CRAMP1: variants seen among roughly 807,000 people sequenced by gnomAD.
CRAMP1 encodes the protein protein cramped-like.
Under a neutral mutation model 115.4 loss-of-function variants are expected in CRAMP1, and 50 were observed. That is an observed-to-expected ratio of 0.43 (90% confidence interval 0.35 to 0.55). The LOEUF (loss-of-function observed/expected upper bound fraction) is 0.55. Ranked by LOEUF, CRAMP1 falls within the 20% of genes least tolerant of loss-of-function variation. The probability of loss-of-function intolerance (pLI) is 0.01; values close to 1 mark genes in which losing one functional copy is unlikely to be tolerated. For synonymous variants in CRAMP1, 866 were observed against 745.4 expected, an observed-to-expected ratio of 1.16 and a Z score of -2.64; for missense variants, 1,679 against 1,721.7, an observed-to-expected ratio of 0.98 and a Z score of 0.44.
At chr16:1,630,947 GC>G (rs908754833) in intron 3 of CRAMP1, among the ~76,000 whole-genome samples, 51 of 152,348 alleles carry the variant, frequency 3.3e-4, no homozygotes, top group African/African-American at 1.2e-3. Flanking sequence ...GGTGGTGTTT[GC>G]CTTGGTCGCT....
At chr16:1,650,594 C>G (rs1206814370) in intron 6 of CRAMP1, among the ~76,000 whole-genome samples, 1 of 152,144 alleles carries the variant, frequency 6.6e-6, no homozygotes, top group African/African-American at 2.4e-5. Context: ...GAATTTTTTT[C>G]TTAGTGAATT....
intron 8 of CRAMP1, 75 bp from the exon 9 acceptor site, chr16:1,655,144 G>C (rs1310436994): frequency 7.6e-7 from 1 of 1,314,358 alleles, no homozygotes; most frequent in African/African-American, 1.4e-5. Flanking sequence ...CCTGCTGTAA[G>C]CAGCCTCGGG....
At chr16:1,668,297 C>T (rs1385594599) in intron 18 of CRAMP1, 104 bp downstream of exon 18, 39 of 923,884 alleles carry the variant, frequency 4.2e-5, no homozygotes, top group Non-Finnish European at 5.6e-5. Flanking sequence ...GTGATTTTTA[C>T]GAATTGAAAA....
At chr16:1,612,686 A>G (rs1460015359) in intron 1 of CRAMP1, among the ~76,000 whole-genome samples, 29 bp downstream of exon 1, 3 of 152,026 alleles carry the variant, frequency 2.0e-5, no homozygotes, top group African/African-American at 4.8e-5. Context: ...CGGGGCTGTC[A>G]TGGCGAGGCC....
At chr16:1,637,223 G>A (rs2036596124) in intron 4 of CRAMP1, among the ~76,000 whole-genome samples, 1 of 152,106 alleles carries the variant, frequency 6.6e-6, no homozygotes, top group Admixed American at 6.5e-5. Flanking sequence ...GAGCCTGGGA[G>A]GCAGAGGTTG....
chr16:1,658,933 C>G (rs2036799756), intron 10 of CRAMP1, among the ~76,000 whole-genome samples: 1 of 152,122 alleles, frequency 6.6e-6, no homozygotes, highest in Non-Finnish European at 1.5e-5. Flanking sequence ...GGCTGGGGTG[C>G]TGGCCGAGTC....
rs139996796 is a variant in CRAMP1 at position 1,669,652 on chromosome 16, C to T, written c.3499+487C>T. Among the ~76,000 whole-genome samples the T allele has an allele frequency of 2.8e-3, 424 of 152,310 alleles. No homozygotes were observed. The highest frequency in any genetic ancestry group is 9.8e-3 in the African/African-American group (406 of 41,564). On this transcript the variant is annotated intron_variant, in intron 19 of 20. Transcript: ENST00000397412. The surrounding 1 kb of genome is among the most constrained non-coding windows in gnomAD (Gnocchi z 4.6). ...GGAGAGTTCAGAGGACGTGTCCATC[C>T]TCCTCCCCCACTGCCCGTTTGCCCA...
Position 1,666,728 on chromosome 16 carries a change from C to A in CRAMP1, c.3036+128C>A. ...AGGAGAGTCTCTGGACCAGGGGTGC[C>A]ATGGCATAAGCAAACTCTGTGTAGT... On this transcript the variant is annotated intron_variant, in intron 16 of 20. Transcript: ENST00000397412. The surrounding 1 kb of genome is among the most constrained non-coding windows in gnomAD (Gnocchi z 5.0). The A allele has an allele frequency of 1.2e-6, 1 of 861,426 alleles. No individual in the cohort carries two copies. Among genetic ancestry groups the A allele is most frequent in the Non-Finnish European group, 1.8e-6 (1 of 552,488 alleles). 53.4% of individuals were successfully genotyped at this position (861,426 alleles called of 1,614,324 possible). A position where few individuals can be genotyped will look rare whatever the true frequency, so the allele number is the denominator to read the frequency against.
At chr16:1,638,491 C>A (rs565679827) in intron 5 of CRAMP1, among the ~76,000 whole-genome samples, 2 of 152,310 alleles carry the variant, frequency 1.3e-5, no homozygotes, top group Admixed American at 6.5e-5. Context: ...CAGGCCCTTG[C>A]TTGGATTTGT....
chr16:1,626,551 G>T (rs547276661), intron 3 of CRAMP1, among the ~76,000 whole-genome samples: 43 of 152,166 alleles, frequency 2.8e-4, no homozygotes, highest in African/African-American at 1.0e-3. Context: ...GCACAAGGCG[G>T]TGCTTGTCTC....
At position 1,666,641 on chromosome 16, in the gene CRAMP1, T is replaced by C. The variant is rs1386738709; in HGVS notation, c.3036+41T>C. 16 of 1,575,280 alleles carry C rather than the reference T, an allele frequency of 1.0e-5. No individual in the cohort carries two copies. Among genetic ancestry groups the C allele is most frequent in the Admixed American group, 1.7e-5 (1 of 59,638 alleles). ...AGGGCTTTTCAGCATTACCACCAACTTCTGGTGTGGACGCCAAAGCCATGG... is the reference window on the plus strand; with the variant it reads ...AGGGCTTTTCAGCATTACCACCAACCTCTGGTGTGGACGCCAAAGCCATGG... On this transcript the variant is annotated intron_variant, in intron 16 of 20. Coordinates refer to ENST00000397412, the MANE Select transcript of CRAMP1 (RefSeq NM_020825.4). This position sits in a 1 kb window ranked among gnomAD's most constrained non-coding sequence, Gnocchi z 5.0.
At chr16:1,668,779 C>T (rs1202725146) in intron 18 of CRAMP1, among the ~76,000 whole-genome samples, 1 of 152,172 alleles carries the variant, frequency 6.6e-6, no homozygotes, top group Non-Finnish European at 1.5e-5. Flanking sequence ...TCATGTGCAA[C>T]CCGTGGTGGC....
In CRAMP1 at chr16:1,659,529, G is replaced by A. The variant is rs527252461; in HGVS notation, c.2236-357G>A. ...CAGCCTCCAGAGTAGCTGAGACTAC[G>A]GGCGCCCACCACCACACCCGGCTAA... On this transcript the variant is annotated intron_variant, in intron 10 of 20. Coordinates refer to ENST00000397412, the MANE Select transcript of CRAMP1 (RefSeq NM_020825.4). Among the ~76,000 whole-genome samples the A allele has an allele frequency of 5.9e-5, 9 of 151,878 alleles. No homozygotes were observed. The South Asian group carries it at 1.5e-3, about 25-fold the overall frequency.
In CRAMP1 at chr16:1,656,184, C is replaced by T. The variant is rs368960482; in HGVS notation, c.1427C>T (p.Pro476Leu). 2 of 1,602,330 alleles carry T rather than the reference C, an allele frequency of 1.2e-6. No individual in the cohort carries two copies. The highest frequency in any genetic ancestry group is 1.7e-6 in the Non-Finnish European group (2 of 1,174,986). Residue 476 changes from proline (P) to leucine (L), a missense_variant, in exon 10 of 21, where the codon CCC (proline) becomes CTC (leucine). Coordinates refer to ENST00000397412, the MANE Select transcript of CRAMP1 (RefSeq NM_020825.4). The surrounding 1 kb of genome is among the most constrained non-coding windows in gnomAD (Gnocchi z 5.6). Reference protein sequence around the residue: ...SGAEGKGVGRPPPAADALQSS... With the variant: ...SGAEGKGVGRLPPAADALQSS... ...GCTGAGGGCAAGGGTGTGGGGCGGC[C>T]CCCTCCTGCGGCTGACGCCTTGCAG...
chr16:1,641,183 G>T lies in CRAMP1; in HGVS notation c.823G>T (p.Val275Phe), dbSNP rs765411405. 6.2e-7 allele frequency: 1 copy of T among 1,608,066 alleles called. No homozygotes were observed. Among genetic ancestry groups the T allele is most frequent in the African/African-American group, 1.3e-5 (1 of 74,916 alleles). ...NATKLNELIQVGATTVRYKGR... is the reference protein window; with the variant it reads ...NATKLNELIQFGATTVRYKGR... ...AACAAAGCTGAATGAACTCATTCAG[G>T]TTGGGTAAGTCCCAGTTTCCATGTG... Residue 275 changes from valine (V) to phenylalanine (F), a missense_variant, in exon 6 of 21, where the codon GTT becomes TTT. Transcript: ENST00000397412.
chr16:1,614,978 C>A lies in CRAMP1; in HGVS notation c.339C>A (p.Arg113=). The change falls in exon 2 of 21, where the codon CGC becomes CGA. Residue 113 remains arginine (R), a synonymous_variant. Coordinates refer to ENST00000397412, the MANE Select transcript of CRAMP1 (RefSeq NM_020825.4). The surrounding 1 kb of genome is among the most constrained non-coding windows in gnomAD (Gnocchi z 4.4). ...GCAACGCCGGTGGCTCGGGGCCCCGCGGAAAAGGTAGGGCGGCCCGTCCCC... is the reference window on the plus strand; with the variant it reads ...GCAACGCCGGTGGCTCGGGGCCCCGAGGAAAAGGTAGGGCGGCCCGTCCCC... ...GSGNAGGSGP[R]GKGAEGGGSS... 8.0e-7 allele frequency: 1 copy of A among 1,253,060 alleles called. No individual in the cohort carries two copies. 77.6% of individuals were successfully genotyped at this position (1,253,060 alleles called of 1,614,324 possible).
chr16:1,620,274 C>T (rs959233922), intron 2 of CRAMP1, among the ~76,000 whole-genome samples: 3 of 152,184 alleles, frequency 2.0e-5, no homozygotes, highest in Non-Finnish European at 4.4e-5. Context: ...CATCCTTGGC[C>T]TCCTGGGAAG....
chr16:1,645,142 C>T (rs1006804519), intron 6 of CRAMP1, among the ~76,000 whole-genome samples: 2 of 152,000 alleles, frequency 1.3e-5, no homozygotes, highest in Non-Finnish European at 2.9e-5. Context: ...ACGCCCCTCC[C>T]CTGCCCCACA....
intron 2 of CRAMP1, chr16:1,625,747 T>C: frequency 4.2e-6 from 2 of 479,800 alleles, no homozygotes; most frequent in South Asian, 2.8e-5. Context: ...TTGCTCCTTT[T>C]CTAACTGTAA....
Sources: gnomAD v4.1 joint callset for allele counts (sites outside exome capture counted in the v4.1 genomes callset) on GRCh38, gnomAD v4.1.1 for gene constraint, Gnocchi (gnomAD v3.1) non-coding constraint, MANE v1.5 for transcripts, NCBI Gene and HGNC (gene_info 2026-07-23, HGNC 2026-07-21) for gene names.